The following BZW2 variants were observed in gnomAD, a reference collection of about 807,000 sequenced individuals.
BZW2 encodes eIF5-mimic protein 1.
In BZW2, 23 loss-of-function variants were observed where a neutral mutation model predicts 53.2. The observed-to-expected ratio is 0.43, with a 90% CI of 0.31 to 0.61. The LOEUF is 0.61. BZW2 is among the 20% of genes least tolerant of loss of function. The pLI is 0.09. For synonymous variants in BZW2, 227 were observed against 186.4 expected, an observed-to-expected ratio of 1.22 and a Z score of -1.77; for missense variants, 409 against 503.1, an observed-to-expected ratio of 0.81 and a Z score of 1.79.
chr7:16,671,856 A>G (rs1303208978), intron 2 of BZW2, among the ~76,000 whole-genome samples: 2 of 143,616 alleles, frequency 1.4e-5, no homozygotes, highest in African/African-American at 2.7e-5. Context: ...ACATGAACCC[A>G]GGAGGCAGAG....
chr7:16,689,994 C>T (rs929210211), intron 7 of BZW2, 88 bp downstream of exon 7: 11 of 901,894 alleles, frequency 1.2e-5, no homozygotes, highest in African/African-American at 1.7e-5. Flanking sequence ...GAGTAAGATC[C>T]CTGGATCTGT....
intron 1 of BZW2, among the ~76,000 whole-genome samples, chr7:16,651,594 T>C (rs1562473421): frequency 6.6e-6 from 1 of 152,202 alleles, no homozygotes; most frequent in Non-Finnish European, 1.5e-5. Flanking sequence ...AGGAAAAGGA[T>C]GCGGTGTTAG....
At chr7:16,673,219 T>A (rs188337797) in intron 2 of BZW2, among the ~76,000 whole-genome samples, 1 of 152,292 alleles carries the variant, frequency 6.6e-6, no homozygotes, top group Admixed American at 6.5e-5. Context: ...GTGCTGGGAT[T>A]ACAGGCGTGA....
intron 10 of BZW2, among the ~76,000 whole-genome samples, chr7:16,702,503 C>T (rs1783698491): frequency 6.6e-6 from 1 of 152,098 alleles, no homozygotes. Flanking sequence ...TTAAGAATAT[C>T]AAGGCACAAG....
At chr7:16,698,362 C>CG (rs1419281204) in intron 10 of BZW2, 176 bp downstream of exon 10, 2 of 817,446 alleles carry the variant, frequency 2.4e-6, no homozygotes, top group Non-Finnish European at 3.8e-6. Flanking sequence ...GAGGCATACA[C>CG]GCCATATATG....
intron 5 of BZW2, among the ~76,000 whole-genome samples, chr7:16,685,146 C>A (rs1783074145): frequency 6.6e-6 from 1 of 152,156 alleles, no homozygotes; most frequent in Admixed American, 6.5e-5. Flanking sequence ...AGAAGGGCAT[C>A]CCACAGGGCT....
chr7:16,687,298 G>A (rs1783156498), intron 6 of BZW2: 1 of 152,136 alleles, frequency 6.6e-6, no homozygotes. Flanking sequence ...AATGTTTGGG[G>A]GGTGGTGAGG....
chr7:16,695,004 G>C lies in BZW2; in HGVS notation c.822G>C (p.Glu274Asp). 6.4e-7 allele frequency: 1 copy of C among 1,567,964 alleles called. No homozygotes were observed. The highest frequency in any genetic ancestry group is 8.7e-7 in the Non-Finnish European group (1 of 1,145,386). The change falls in exon 8 of 12, where the codon GAG becomes GAC. Residue 274 changes from glutamate (E) to aspartate (D), a missense_variant and splice_region_variant. Transcript: ENST00000258761. Reference protein sequence around the residue: ...ERLSQECPIKEVVLYVKEEMK... With the variant: ...ERLSQECPIKDVVLYVKEEMK... ...TTTCTCAGGAATGCCCGATCAAGGA[G>C]GTGGGAGACCACGGGCAGACATCAC...
At chr7:16,687,969 A>G (rs1338004821) in intron 6 of BZW2, among the ~76,000 whole-genome samples, 3 of 151,956 alleles carry the variant, frequency 2.0e-5, no homozygotes, top group African/African-American at 7.3e-5. Context: ...ATTCATCTTA[A>G]GTTGTTTAAC....
At chr7:16,703,806 T>A (rs369339188) in intron 10 of BZW2, among the ~76,000 whole-genome samples, 1 of 152,326 alleles carries the variant, frequency 6.6e-6, no homozygotes, top group South Asian at 2.1e-4. Context: ...CAAGGCACAT[T>A]TGTGGAATTT....
At chr7:16,662,349 G>T (rs980617935) in intron 1 of BZW2, 1 of 152,100 alleles carries the variant, frequency 6.6e-6, no homozygotes, top group Non-Finnish European at 1.5e-5. Flanking sequence ...TTCTCCACAT[G>T]GAATGTATCG....
intron 3 of BZW2, among the ~76,000 whole-genome samples, chr7:16,678,959 G>A (rs34075482): frequency 0.19 from 29,053 of 152,008 alleles, 2,960 homozygotes; most frequent in East Asian, 0.38. Context: ...TCACAAGGCA[G>A]ATGGGGGCAG....
chr7:16,704,400 GA>G, intron 10 of BZW2, 146 bp from the exon 11 acceptor site: 1 of 815,476 alleles, frequency 1.2e-6, no homozygotes, highest in Non-Finnish European at 1.8e-6. Context: ...TATGCTACAT[GA>G]AAATCAACTT....
chr7:16,704,795 C>A, intron 11 of BZW2, 126 bp downstream of exon 11: 1 of 1,039,978 alleles, frequency 9.6e-7, no homozygotes, highest in Admixed American at 3.2e-5. Flanking sequence ...TCTTTCGTAT[C>A]AAACATTTTG....
intron 8 of BZW2, among the ~76,000 whole-genome samples, chr7:16,695,483 G>A (rs1248882090): frequency 6.6e-6 from 1 of 152,168 alleles, no homozygotes; most frequent in East Asian, 1.9e-4. Flanking sequence ...AGACTAGTTG[G>A]ATCAGTGACT....
chr7:16,654,078 C>A (rs182096445), intron 1 of BZW2, among the ~76,000 whole-genome samples: 2,877 of 92,710 alleles, frequency 0.031, 129 homozygotes, highest in African/African-American at 0.11. Flanking sequence ...AAAACCCCAT[C>A]TCTACAAAAA....
intron 11 of BZW2, among the ~76,000 whole-genome samples, chr7:16,705,086 G>T (rs1219175754): frequency 6.6e-6 from 1 of 152,220 alleles, no homozygotes; most frequent in Admixed American, 6.5e-5. Context: ...GCCAGGTGTG[G>T]TGGCTCACAC....
chr7:16,677,949 A>C (rs1242644056), intron 3 of BZW2, among the ~76,000 whole-genome samples: 1 of 152,158 alleles, frequency 6.6e-6, no homozygotes, highest in Non-Finnish European at 1.5e-5. Context: ...TAAGCTATGC[A>C]ACACCAGATG....
intron 11 of BZW2, among the ~76,000 whole-genome samples, chr7:16,705,339 C>G (rs1423214019): frequency 6.6e-6 from 1 of 150,614 alleles, no homozygotes; most frequent in African/African-American, 2.4e-5. Context: ...GCCTGGATGA[C>G]AGAGCAAGAC....
Sources: gnomAD v4.1 joint callset for allele counts (sites outside exome capture counted in the v4.1 genomes callset) on GRCh38, gnomAD v4.1.1 for gene constraint, MANE v1.5 for transcripts, NCBI Gene and HGNC (gene_info 2026-07-23, HGNC 2026-07-21) for gene names.